MRNIP: variants seen among roughly 807,000 people sequenced by gnomAD.
MRNIP encodes MRN complex interacting protein.
In MRNIP, 30 loss-of-function variants were observed where a neutral mutation model predicts 29.8. That is an observed-to-expected ratio of 1.01 (90% CI 0.75 to 1.36). MRNIP has a LOEUF of 1.36. MRNIP is among the 40% of genes most tolerant of loss of function. The pLI is 0.00. For missense variants in MRNIP, 459 were observed against 423.5 expected, an observed-to-expected ratio of 1.08 and a Z score of -0.74; for synonymous variants, 201 against 164.1, an observed-to-expected ratio of 1.23 and a Z score of -1.72.
intron 2 of MRNIP, among the ~76,000 whole-genome samples, chr5:179,848,926 G>C (rs1189955916): frequency 1.3e-5 from 2 of 152,226 alleles, no homozygotes; most frequent in African/African-American, 2.4e-5. Flanking sequence ...TGGAGCTGAG[G>C]GGTCTAAGGG....
chr5:179,838,225 G>T, intron 6 of MRNIP: 1 of 335,638 alleles, frequency 3.0e-6, no homozygotes, highest in Middle Eastern at 9.1e-4. Context: ...TCGGGAAAGG[G>T]GTGCGCTGGC....
In MRNIP at chr5:179,844,246, A is replaced by G. The variant is rs373841958; in HGVS notation, c.216-19T>C. On this transcript the variant is annotated intron_variant, in intron 3 of 6. Transcript: ENST00000292586. ...TAGAGACCTTCAGGGAAGACCATAC[A>G]TATGCCCTTTGAAAAATGACCAGGG... 2.5e-5 allele frequency: 40 copies of G among 1,607,484 alleles called. No homozygotes were observed. The highest frequency in any genetic ancestry group is 3.2e-5 in the Non-Finnish European group (38 of 1,174,298).
At position 179,858,787 on chromosome 5, in the gene MRNIP, G is replaced by A. The variant is rs746108664; in HGVS notation, c.10C>T (p.Leu4Phe). 16 of 1,540,852 alleles carry A rather than the reference G, an allele frequency of 1.0e-5. No individual in the cohort carries two copies. The highest frequency in any genetic ancestry group is 1.3e-5 in the Non-Finnish European group (15 of 1,143,980). ...CAGCGTAGCACCCGAGAACGCTGAA[G>A]CGACGCCATCCCTGCTTGTGCAGTC... MAS[L>F]QRSRVLRCCS... Residue 4 changes from leucine (L) to phenylalanine (F), a missense_variant, in exon 1 of 7, where the codon CTT becomes TTT. Coordinates refer to ENST00000292586, the MANE Select transcript of MRNIP (RefSeq NM_016175.4).
At position 179,856,701 on chromosome 5, in the gene MRNIP, G is replaced by A. The variant is rs1759596883; in HGVS notation, c.66+2030C>T. 2.6e-5 allele frequency among the ~76,000 whole-genome samples: 4 copies of A among 152,156 alleles called. No homozygotes were observed. In the South Asian group the frequency reaches 8.3e-4, roughly 32 times the overall value. ...TTGCCCAGGCTGCTCTGGAACTTCTGAGCTCAAGTGATCTGCCCTAGTGGG... is the reference window on the plus strand; with the variant it reads ...TTGCCCAGGCTGCTCTGGAACTTCTAAGCTCAAGTGATCTGCCCTAGTGGG... On this transcript the variant is annotated intron_variant, in intron 1 of 6. Transcript: ENST00000292586.
At chr5:179,850,031 G>A (rs540639643) in intron 2 of MRNIP, among the ~76,000 whole-genome samples, 56 of 150,430 alleles carry the variant, frequency 3.7e-4, no homozygotes, top group Non-Finnish European at 5.8e-4. Flanking sequence ...TCCCGCTATC[G>A]CACAGGCAGA....
intron 5 of MRNIP, chr5:179,841,497 C>T (rs1015440722): frequency 1.1e-5 from 2 of 188,924 alleles, no homozygotes; most frequent in Non-Finnish European, 2.2e-5. Flanking sequence ...TCCCTAGATC[C>T]TTAACCTAAA....
At chr5:179,842,988 A>G (rs148787844) in intron 4 of MRNIP, among the ~76,000 whole-genome samples, 491 of 142,392 alleles carry the variant, frequency 3.4e-3, no homozygotes, top group African/African-American at 3.7e-3. Flanking sequence ...AGCTGAGATC[A>G]CGCCACTGCA....
At chr5:179,839,737 G>C in intron 6 of MRNIP, 1 of 153,020 alleles carries the variant, frequency 6.5e-6, no homozygotes, top group Non-Finnish European at 1.5e-5. Flanking sequence ...ACTCCCAACT[G>C]CAGTGCCCTT....
chr5:179,852,300 C>A (rs1209040558), intron 2 of MRNIP, among the ~76,000 whole-genome samples: 22 of 149,966 alleles, frequency 1.5e-4, no homozygotes, highest in African/African-American at 2.7e-4. Flanking sequence ...AAAAAAAAAA[C>A]CCCAAAAAAC....
rs149235175 is a variant in MRNIP at position 179,848,028 on chromosome 5, A to T, written c.165T>A (p.His55Gln). Residue 55 changes from histidine to glutamine, a missense_variant, in exon 3 of 7, where the codon CAT becomes CAA. Transcript: ENST00000292586. ...CCTGTAGTAGATTTAACTTTTGGAC[A>T]TGGCGTCTACAATCAGCACCAGAGC... ...GEGSGADCRR[H>Q]VQKLNLLQGQ... The T allele has an allele frequency of 4.3e-6, 7 of 1,613,962 alleles. No homozygotes were observed. Among genetic ancestry groups the T allele is most frequent in the Non-Finnish European group, 5.9e-6 (7 of 1,179,966 alleles).
intron 5 of MRNIP, 58 bp from the exon 6 acceptor site, chr5:179,841,017 G>A: frequency 1.6e-6 from 2 of 1,273,958 alleles, no homozygotes; most frequent in Non-Finnish European, 2.2e-6. Flanking sequence ...CCCCGAGCCT[G>A]ACTCCACGAT....
chr5:179,843,743 G>GA (rs1051883889), intron 4 of MRNIP, among the ~76,000 whole-genome samples: 3,428 of 149,206 alleles, frequency 0.023, 132 homozygotes, highest in African/African-American at 0.081. Context: ...TCGTTTCAGA[G>GA]AAAAAAAACA....
At chr5:179,856,110 A>G (rs7709069) in intron 1 of MRNIP, among the ~76,000 whole-genome samples, 22,881 of 151,554 alleles carry the variant, frequency 0.15, 4,356 homozygotes, top group African/African-American at 0.45. Context: ...GTTTCACAAC[A>G]TTGCCCAGGC....
Position 179,848,044 on chromosome 5 carries a change from GCACCAGAGCCTT to G in MRNIP, c.137_148del (p.Glu46_Gly49del). 1 of 1,613,844 alleles carries G rather than the reference GCACCAGAGCCTT, an allele frequency of 6.2e-7. No homozygotes were observed. Among genetic ancestry groups the G allele is most frequent in the Non-Finnish European group, 8.5e-7 (1 of 1,179,756 alleles). ...CTTTTGGACATGGCGTCTACAATCA[GCACCAGAGCCTT>G]CACCATAAGCCTGAGAAACCAAAAA... On this transcript the variant is annotated inframe_deletion, in exon 3 of 7. Transcript: ENST00000292586.
At chr5:179,840,515 C>T in intron 6 of MRNIP, 1 of 422,104 alleles carries the variant, frequency 2.4e-6, no homozygotes, top group Non-Finnish European at 4.2e-6. Context: ...TCCCAGGATT[C>T]AGGGCGGCCC....
intron 1 of MRNIP, among the ~76,000 whole-genome samples, chr5:179,856,254 A>G (rs931668273): frequency 6.6e-6 from 1 of 152,108 alleles, no homozygotes; most frequent in Non-Finnish European, 1.5e-5. Flanking sequence ...TGGTAAAGGA[A>G]TTAATTGTGG....
chr5:179,853,382 A>G lies in MRNIP; in HGVS notation c.122T>C (p.Leu41Ser). The change falls in exon 2 of 7, where the codon TTG becomes TCG. Residue 41 changes from leucine (L) to serine (S), a missense_variant. Transcript: ENST00000292586. ...CKACGEKQSFLQAYGEGSGAD... is the reference protein window; with the variant it reads ...CKACGEKQSFSQAYGEGSGAD... Reference sequence around the variant, plus strand: ...TTTCTGTTTTGTAGGACTCACCTGCAAAAAGGACTGCTTCTCTCCACAAGC... The same window carrying G: ...TTTCTGTTTTGTAGGACTCACCTGCGAAAAGGACTGCTTCTCTCCACAAGC... 6.2e-7 allele frequency: 1 copy of G among 1,612,990 alleles called. No homozygotes were observed. The highest frequency in any genetic ancestry group is 8.5e-7 in the Non-Finnish European group (1 of 1,179,582).
chr5:179,851,212 G>C (rs1201353046), intron 2 of MRNIP: 1 of 455,172 alleles, frequency 2.2e-6, no homozygotes, highest in South Asian at 1.5e-5. Context: ...TCTCAAACAA[G>C]CCATGCTCAC....
chr5:179,843,047 A>AAGGAAGGAAGGG (rs1758971603), intron 4 of MRNIP, among the ~76,000 whole-genome samples: 3 of 83,258 alleles, frequency 3.6e-5, no homozygotes, highest in Non-Finnish European at 4.6e-5. Context: ...GGAAAGAAGG[A>AAGGAAGGAAGGG]AGGAAGGAAG....
Sources: gnomAD v4.1 joint callset for allele counts (sites outside exome capture counted in the v4.1 genomes callset) on GRCh38, gnomAD v4.1.1 for gene constraint, MANE v1.5 for transcripts, NCBI Gene and HGNC (gene_info 2026-07-23, HGNC 2026-07-21) for gene names.